HSPA12A: variants seen among roughly 807,000 people sequenced by gnomAD.
The protein encoded by HSPA12A is heat shock protein family A (Hsp70) member 12A.
In HSPA12A, 28 loss-of-function variants were observed where a neutral mutation model predicts 69.2. The observed-to-expected ratio is 0.40, with a 90% CI of 0.30 to 0.55. The LOEUF (loss-of-function observed/expected upper bound fraction) is 0.55, where lower values mean the gene tolerates loss of function less well. Among genes scored for constraint, HSPA12A ranks in the 20% least tolerant of loss-of-function variants. HSPA12A has a pLI of 0.38. For synonymous variants in HSPA12A, 345 were observed against 370.5 expected, an observed-to-expected ratio of 0.93 and a Z score of 0.79; for missense variants, 686 against 900.7, an observed-to-expected ratio of 0.76 and a Z score of 3.05.
upstream of HSPA12A, among the ~76,000 whole-genome samples, chr10:116,747,188 A>G (rs1554887893): frequency 6.6e-6 from 1 of 152,176 alleles, no homozygotes; most frequent in African/African-American, 2.4e-5. Context: ...TTCCAAAACA[A>G]CCTTCACATG....
chr10:116,697,304 C>T (rs1554880983), intron 5 of HSPA12A, among the ~76,000 whole-genome samples: 1 of 152,158 alleles, frequency 6.6e-6, no homozygotes, highest in African/African-American at 2.4e-5. Flanking sequence ...GTCTCCATGC[C>T]TGTGGGAGGA....
chr10:116,762,909 C>A (rs1463436483), intron 2 of HSPA12A, among the ~76,000 whole-genome samples: 3 of 152,144 alleles, frequency 2.0e-5, no homozygotes, highest in Non-Finnish European at 4.4e-5. Flanking sequence ...AGTAGGGCAT[C>A]CCTCCTCTGG....
intron 1 of HSPA12A, among the ~76,000 whole-genome samples, chr10:116,739,802 G>A (rs1214835053): frequency 1.3e-5 from 2 of 152,082 alleles, no homozygotes; most frequent in East Asian, 1.9e-4. Context: ...AAGCAGAATA[G>A]TAATGAACCG....
chr10:116,799,980 C>T (rs1008384299), intron 2 of HSPA12A, among the ~76,000 whole-genome samples: 1 of 152,132 alleles, frequency 6.6e-6, no homozygotes, highest in Non-Finnish European at 1.5e-5. Flanking sequence ...GGATTTTCGT[C>T]GCCATGGTTT....
upstream of HSPA12A, among the ~76,000 whole-genome samples, chr10:116,743,868 A>C (rs1047880661): frequency 6.6e-6 from 1 of 152,256 alleles, no homozygotes; most frequent in Non-Finnish European, 1.5e-5. Flanking sequence ...ACCACAGTCA[A>C]GTTATTTAAC....
At chr10:116,764,612 AG>A (rs1298492869) in intron 2 of HSPA12A, among the ~76,000 whole-genome samples, 1 of 152,188 alleles carries the variant, frequency 6.6e-6, no homozygotes, top group African/African-American at 2.4e-5. Context: ...GAGGGGGCAG[AG>A]TGAAAGGGAT....
chr10:116,848,035 T>C (rs1183892873), intron 1 of HSPA12A, among the ~76,000 whole-genome samples: 2 of 152,320 alleles, frequency 1.3e-5, no homozygotes, highest in East Asian at 3.9e-4. Flanking sequence ...GGTGCCTTTC[T>C]TCCAGGGGTG....
chr10:116,675,329 C>A lies in HSPA12A; in HGVS notation c.1480G>T (p.Val494Leu), dbSNP rs782295674. 1.9e-6 allele frequency: 3 copies of A among 1,613,014 alleles called. No individual in the cohort carries two copies. Among genetic ancestry groups the A allele is most frequent in the Admixed American group, 3.3e-5 (2 of 60,002 alleles). ...FAEAPLLQQA[V>L]QAAFGDQCRI... Reference sequence around the variant, plus strand: ...CACTGGTCCCCAAAAGCAGCCTGCACCGCCTGCTGCAGCAGGGGCGCCTCG... The same window carrying A: ...CACTGGTCCCCAAAAGCAGCCTGCAACGCCTGCTGCAGCAGGGGCGCCTCG... The change falls in exon 12 of 12, where the codon GTG becomes TTG. Residue 494 changes from valine to leucine, a missense_variant. By Grantham distance (32) the Val-to-Leu change is conservative. Transcript: ENST00000369209. The surrounding 1 kb of genome is among the most constrained non-coding windows in gnomAD (Gnocchi z 5.2).
intron 6 of HSPA12A, among the ~76,000 whole-genome samples, chr10:116,687,226 G>A (rs1554879642): frequency 2.0e-5 from 3 of 152,192 alleles, no homozygotes; most frequent in Non-Finnish European, 4.4e-5. Context: ...CAGCTCCACA[G>A]CAAAAGCTTT....
chr10:116,727,022 AGT>A (rs1850986783), intron 1 of HSPA12A, among the ~76,000 whole-genome samples: 1 of 150,498 alleles, frequency 6.6e-6, no homozygotes, highest in Non-Finnish European at 1.5e-5. Context: ...GATCTAACAA[AGT>A]GTTATCACAT....
intron 2 of HSPA12A, chr10:116,750,190 G>A (rs1461667034): frequency 1.4e-5 from 9 of 651,662 alleles, no homozygotes; most frequent in African/African-American, 3.6e-5. Context: ...ATTATGCTGC[G>A]GCACATTGTC....
At chr10:116,740,673 TGTCTGTGTGTGTGTGTGTGTGTGC>T (rs1218429038) in intron 1 of HSPA12A, among the ~76,000 whole-genome samples, 9 of 3,036 alleles carry the variant, frequency 3.0e-3, no homozygotes, top group East Asian at 0.034. Context: ...TGTGTGTGTG[TGTCTGTGTGTGTGTGTGTGTGTGC>T]GTGTGTGTGT....
At chr10:116,784,331 C>T (rs1231452818) in intron 2 of HSPA12A, among the ~76,000 whole-genome samples, 2 of 152,254 alleles carry the variant, frequency 1.3e-5, no homozygotes, top group Non-Finnish European at 2.9e-5. Context: ...CAAGTGGCAG[C>T]GCAGGGTCTT....
chr10:116,796,325 C>A (rs1005654852), intron 2 of HSPA12A, among the ~76,000 whole-genome samples: 3 of 150,878 alleles, frequency 2.0e-5, no homozygotes, highest in Non-Finnish European at 2.9e-5. Flanking sequence ...AAACACTAAT[C>A]CAAGACTCCA....
chr10:116,707,081 C>T (rs555774922), intron 2 of HSPA12A, 119 bp downstream of exon 2: 1 of 804,336 alleles, frequency 1.2e-6, no homozygotes, highest in Non-Finnish European at 1.9e-6. Context: ...TGTCCAGCAG[C>T]CTGAACTGTG....
At chr10:116,756,175 T>G (rs533420273) in intron 2 of HSPA12A, among the ~76,000 whole-genome samples, 60 of 152,196 alleles carry the variant, frequency 3.9e-4, no homozygotes, top group Admixed American at 9.8e-4. Flanking sequence ...TATAATCTTT[T>G]TCTGTCTCCC....
In HSPA12A at chr10:116,686,053, G is replaced by A. The variant is rs7911027; in HGVS notation, c.664-2091C>T. Reference sequence around the variant, plus strand: ...CCCTTAGGTGACATCGGTCAACAGGGCCCTGACTCAGGTGCATGACAGGAT... The same window carrying A: ...CCCTTAGGTGACATCGGTCAACAGGACCCTGACTCAGGTGCATGACAGGAT... On this transcript the variant is annotated intron_variant, in intron 6 of 11. Coordinates refer to ENST00000369209, the MANE Select transcript of HSPA12A (RefSeq NM_025015.3). The surrounding 1 kb of genome is among the most constrained non-coding windows in gnomAD (Gnocchi z 4.1). 7.7e-3 allele frequency among the ~76,000 whole-genome samples: 1,166 copies of A among 152,262 alleles called. 14 individuals carry two copies. Among genetic ancestry groups the A allele is most frequent in the African/African-American group, 0.026 (1,082 of 41,552 alleles).
intron 1 of HSPA12A, among the ~76,000 whole-genome samples, chr10:116,735,714 T>C (rs566543010): frequency 6.6e-6 from 1 of 152,032 alleles, no homozygotes; most frequent in South Asian, 2.1e-4. Flanking sequence ...ATGACTATTG[T>C]TGCCAGGCAC....
At chr10:116,790,898 C>A (rs1166411967) in intron 2 of HSPA12A, among the ~76,000 whole-genome samples, 4 of 152,122 alleles carry the variant, frequency 2.6e-5, no homozygotes, top group African/African-American at 9.7e-5. Context: ...ACCATGTTAG[C>A]CATGCTGGTC....
Sources: allele counts gnomAD v4.1 joint callset (sites outside exome capture counted in the v4.1 genomes callset), GRCh38; gene constraint gnomAD v4.1.1; non-coding constraint Gnocchi (gnomAD v3.1); transcripts MANE v1.5; gene names NCBI Gene and HGNC (gene_info 2026-07-23, HGNC 2026-07-21).